EYS: variants seen among roughly 807,000 people sequenced by gnomAD.
The protein encoded by EYS is EGF-like photoreceptor maintenance factor.
EYS carries 250 observed loss-of-function variants against 282.1 expected under a neutral mutation model. The observed-to-expected ratio is 0.89, with a 90% CI of 0.80 to 0.98. EYS has a LOEUF of 0.98. Ranked by LOEUF, EYS falls within the 50% of genes least tolerant of loss-of-function variation. The pLI, the probability that EYS is intolerant of heterozygous loss-of-function variation, is 0.00. For synonymous variants in EYS, 1,355 were observed against 1,282.9 expected, an observed-to-expected ratio of 1.06 and a Z score of -1.20; for missense variants, 4,016 against 3,709.0, an observed-to-expected ratio of 1.08 and a Z score of -2.15.
chr6:64,015,346 T>C (rs1768841260), intron 33 of EYS, among the ~76,000 whole-genome samples: 1 of 152,170 alleles, frequency 6.6e-6, no homozygotes, highest in South Asian at 2.1e-4. Flanking sequence ...TACTGCTTTA[T>C]ATAAATAGCA....
chr6:64,544,527 T>C (rs1009769079), intron 26 of EYS, among the ~76,000 whole-genome samples: 3 of 152,216 alleles, frequency 2.0e-5, no homozygotes, highest in African/African-American at 7.2e-5. Context: ...GATGGAGACA[T>C]GGAGGACATG....
intron 8 of EYS, among the ~76,000 whole-genome samples, chr6:65,369,837 T>C (rs181626565): frequency 6.6e-6 from 1 of 151,756 alleles, no homozygotes. Context: ...AAATCACACT[T>C]GGTTCCTTCA....
At chr6:64,054,721 T>C (rs1248397924) in intron 33 of EYS, among the ~76,000 whole-genome samples, 1 of 152,158 alleles carries the variant, frequency 6.6e-6, no homozygotes, top group Non-Finnish European at 1.5e-5. Context: ...GATAATTACC[T>C]AATTTCCTTA....
At chr6:64,269,392 G>GATT (rs1767866270) in intron 30 of EYS, among the ~76,000 whole-genome samples, 1 of 151,980 alleles carries the variant, frequency 6.6e-6, no homozygotes, top group African/African-American at 2.4e-5. Context: ...ATCCTGGAGT[G>GATT]ATTAATGCTA....
intron 14 of EYS, among the ~76,000 whole-genome samples, chr6:64,948,984 C>T (rs1055335327): frequency 6.6e-6 from 1 of 151,900 alleles, no homozygotes; most frequent in Non-Finnish European, 1.5e-5. Context: ...TAGTAGTTCA[C>T]TTTTTCAGAT....
At chr6:63,943,193 T>C (rs2149759409) in intron 35 of EYS, among the ~76,000 whole-genome samples, 1 of 152,312 alleles carries the variant, frequency 6.6e-6, no homozygotes, top group African/African-American at 2.4e-5. Flanking sequence ...AGTCTGGATG[T>C]ATTTATTATT....
intron 29 of EYS, among the ~76,000 whole-genome samples, chr6:64,387,473 A>G (rs1772951113): frequency 6.6e-6 from 1 of 152,164 alleles, no homozygotes; most frequent in African/African-American, 2.4e-5. Flanking sequence ...GGGAAAAAGT[A>G]TAGTTATGAA....
intron 5 of EYS, among the ~76,000 whole-genome samples, chr6:65,466,050 T>G (rs1764987786): frequency 6.6e-6 from 1 of 152,084 alleles, no homozygotes; most frequent in Admixed American, 6.6e-5. Flanking sequence ...GAAGAAATGT[T>G]AATGGGACAG....
chr6:65,568,785 T>C (rs1247511986), intron 2 of EYS, among the ~76,000 whole-genome samples: 1 of 152,132 alleles, frequency 6.6e-6, no homozygotes, highest in East Asian at 1.9e-4. Context: ...TCATGACTTA[T>C]CTCAAGAATA....
intron 36 of EYS, among the ~76,000 whole-genome samples, chr6:63,818,654 C>T (rs888846240): frequency 1.3e-5 from 2 of 152,182 alleles, no homozygotes; most frequent in African/African-American, 4.8e-5. Context: ...CTAGTCATTT[C>T]CCTGGACTCT....
intron 31 of EYS, among the ~76,000 whole-genome samples, chr6:64,214,548 T>G (rs1215751931): frequency 6.6e-6 from 1 of 152,098 alleles, no homozygotes; most frequent in Non-Finnish European, 1.5e-5. Flanking sequence ...TTCATGACAA[T>G]GCACATTCCA....
chr6:64,628,850 C>A (rs1185060043), intron 22 of EYS, among the ~76,000 whole-genome samples: 1 of 152,050 alleles, frequency 6.6e-6, no homozygotes, highest in African/African-American at 2.4e-5. Context: ...TTAAGGATAA[C>A]AAAAAAGTTG....
chr6:65,351,771 T>C (rs1764287538), intron 9 of EYS, among the ~76,000 whole-genome samples: 1 of 151,770 alleles, frequency 6.6e-6, no homozygotes, highest in South Asian at 2.1e-4. Flanking sequence ...TGAAAGCATG[T>C]AGGGAACCTC....
chr6:65,067,819 A>G lies in EYS; in HGVS notation c.2024-10092T>C, dbSNP rs535769897. On this transcript the variant is annotated intron_variant, in intron 12 of 42. Coordinates refer to ENST00000503581, the MANE Select transcript of EYS (RefSeq NM_001142800.2). ...AAAAATATTTTGTTTCCTGTTTTTA[A>G]TAATTTTAATATCTTCTGTTATTTA... is the stretch of plus-strand genomic sequence containing the variant. Among the ~76,000 whole-genome samples the G allele has an allele frequency of 3.3e-5, 5 of 152,220 alleles. No homozygotes were observed. The South Asian group carries it at 1.0e-3, about 32-fold the overall frequency.
intron 13 of EYS, 57 bp from the exon 14 acceptor site, chr6:64,997,760 AT>A: frequency 6.8e-7 from 1 of 1,470,750 alleles, no homozygotes; most frequent in Non-Finnish European, 9.2e-7. Flanking sequence ...AGTACAGGTA[AT>A]TATAATTAGT....
chr6:65,603,820 G>A (rs922307992), intron 2 of EYS, among the ~76,000 whole-genome samples: 1 of 151,732 alleles, frequency 6.6e-6, no homozygotes, highest in Non-Finnish European at 1.5e-5. Context: ...ATACTAGCAG[G>A]TTATGATTGT....
At chr6:64,015,103 T>C (rs1241400568) in intron 33 of EYS, among the ~76,000 whole-genome samples, 1 of 152,168 alleles carries the variant, frequency 6.6e-6, no homozygotes, top group Non-Finnish European at 1.5e-5. Flanking sequence ...AATTTAAAGA[T>C]TGAGAAAAAT....
chr6:65,125,287 A>T (rs1019708794), intron 12 of EYS, among the ~76,000 whole-genome samples: 20 of 152,182 alleles, frequency 1.3e-4, no homozygotes, highest in African/African-American at 4.6e-4. Context: ...TGTCATTAGG[A>T]TTGTTCAGTG....
intron 29 of EYS, among the ~76,000 whole-genome samples, chr6:64,350,701 T>C (rs1441115829): frequency 2.6e-5 from 4 of 151,644 alleles, no homozygotes; most frequent in African/African-American, 9.7e-5. Flanking sequence ...ACTTACATCC[T>C]CAAATGCCAC....
Sources: allele counts gnomAD v4.1 joint callset (sites outside exome capture counted in the v4.1 genomes callset), GRCh38; gene constraint gnomAD v4.1.1; transcripts MANE v1.5; gene names NCBI Gene and HGNC (gene_info 2026-07-23, HGNC 2026-07-21).